Variants in BRSK2 observed in about 807,000 individuals in gnomAD.
The protein encoded by BRSK2 is BR serine/threonine kinase 2, also known as serine/threonine-protein kinase BRSK2.
In BRSK2, 19 loss-of-function variants were observed where a neutral mutation model predicts 83.3. The observed-to-expected ratio is 0.23, with a 90% CI of 0.16 to 0.33. BRSK2 has a LOEUF of 0.33. Ranked by LOEUF, BRSK2 falls within the 10% of genes least tolerant of loss-of-function variation. The pLI is 1.00. For synonymous variants in BRSK2, 519 were observed against 435.4 expected (o/e 1.19, Z -2.39); for missense variants, 798 against 1,042.3 (o/e 0.77, Z 3.23).
intron 1 of BRSK2, among the ~76,000 whole-genome samples, chr11:1,392,602 G>A (rs1845795198): frequency 6.6e-6 from 1 of 152,174 alleles, no homozygotes; most frequent in Non-Finnish European, 1.5e-5. Context: ...CCCAAGCTGG[G>A]GCCTGCTGGA....
chr11:1,414,386 C>T (rs1847878307), intron 1 of BRSK2, among the ~76,000 whole-genome samples: 1 of 152,214 alleles, frequency 6.6e-6, no homozygotes, highest in Admixed American at 6.5e-5. Flanking sequence ...AGGAACTTCC[C>T]TCTGTAGAGA....
At chr11:1,441,372 G>C (rs551173396) in intron 4 of BRSK2, among the ~76,000 whole-genome samples, 14 of 24,610 alleles carry the variant, frequency 5.7e-4, no homozygotes, top group Admixed American at 1.3e-3. Flanking sequence ...AGTGCACCGT[G>C]CCCCCCATTA....
chr11:1,391,149 C>T (rs1018970003), intron 1 of BRSK2, among the ~76,000 whole-genome samples: 1 of 152,236 alleles, frequency 6.6e-6, no homozygotes, highest in Admixed American at 6.5e-5. Context: ...GCTACCCTCG[C>T]ATGTGGCCAA....
chr11:1,455,327 G>A (rs1287500752), intron 16 of BRSK2, among the ~76,000 whole-genome samples: 1 of 36,016 alleles, frequency 2.8e-5, no homozygotes. Flanking sequence ...CTCCCCCACC[G>A]CCCCCAGCCT....
At chr11:1,435,508 C>T (rs1484689970) in intron 1 of BRSK2, among the ~76,000 whole-genome samples, 8 of 344 alleles carry the variant, frequency 0.023, no homozygotes, top group Admixed American at 0.071. Context: ...AGGAGGGGTG[C>T]CGGTGGGGGT....
chr11:1,416,552 T>C (rs7101802), intron 1 of BRSK2, among the ~76,000 whole-genome samples: 107,411 of 152,042 alleles, frequency 0.71, 38,503 homozygotes, highest in Non-Finnish European at 0.76. Context: ...CTACCGGCGG[T>C]TGTATTTAGC....
intron 1 of BRSK2, among the ~76,000 whole-genome samples, chr11:1,415,268 G>C (rs1408929650): frequency 6.6e-6 from 1 of 151,822 alleles, no homozygotes; most frequent in African/African-American, 2.4e-5. Context: ...CTAATTTTTT[G>C]TATTTTTAGT....
In BRSK2 at chr11:1,438,620, C is replaced by G. The variant is rs1274563082; in HGVS notation, c.272+229C>G. Among the ~76,000 whole-genome samples, 1 of 152,172 alleles carries G rather than the reference C, an allele frequency of 6.6e-6. No individual in the cohort carries two copies. On this transcript the variant is annotated intron_variant, in intron 3 of 19. Coordinates refer to ENST00000528841, the MANE Select transcript of BRSK2 (RefSeq NM_001256627.2). This position sits in a 1 kb window ranked among gnomAD's most constrained non-coding sequence, Gnocchi z 6.4. ...CGGAGACCTGGTCTGTGGAGGCTCGCAGAGCCACCAGCCTGAGGCTGGCAA... is the reference window on the plus strand; with the variant it reads ...CGGAGACCTGGTCTGTGGAGGCTCGGAGAGCCACCAGCCTGAGGCTGGCAA...
chr11:1,411,394 A>G (rs1391630798), intron 1 of BRSK2: 1 of 1,459,560 alleles, frequency 6.9e-7, no homozygotes, highest in South Asian at 1.4e-5. Context: ...GTAGGGCACC[A>G]GCCTCACCCC....
chr11:1,393,823 A>G (rs569747229), intron 1 of BRSK2, among the ~76,000 whole-genome samples: 4 of 152,164 alleles, frequency 2.6e-5, no homozygotes, highest in Non-Finnish European at 5.9e-5. Flanking sequence ...GTTGAGCAGG[A>G]CGGGCAGCGA....
intron 8 of BRSK2, 74 bp from the exon 9 acceptor site, chr11:1,444,897 T>G: frequency 6.9e-7 from 1 of 1,445,440 alleles, no homozygotes. Flanking sequence ...CGCCCCTGCC[T>G]TCCCCCTCAC....
chr11:1,412,704 TG>T (rs936137033), intron 1 of BRSK2, among the ~76,000 whole-genome samples: 7 of 151,838 alleles, frequency 4.6e-5, no homozygotes, highest in African/African-American at 1.7e-4. Context: ...GGACAGTGGC[TG>T]GGGGGTCAGA....
intron 1 of BRSK2, among the ~76,000 whole-genome samples, chr11:1,400,291 C>T (rs1671593201): frequency 6.6e-6 from 1 of 152,196 alleles, no homozygotes; most frequent in African/African-American, 2.4e-5. Flanking sequence ...CCTCAGCTTT[C>T]CCCGGAGGCC....
intron 1 of BRSK2, among the ~76,000 whole-genome samples, chr11:1,405,615 T>G (rs1369462386): frequency 6.6e-6 from 1 of 152,114 alleles, no homozygotes. Context: ...CGGCGCCAGC[T>G]ACCCCCAAGG....
intron 12 of BRSK2, among the ~76,000 whole-genome samples, chr11:1,448,178 C>T (rs1852430395): frequency 6.6e-6 from 1 of 152,220 alleles, no homozygotes; most frequent in Non-Finnish European, 1.5e-5. Context: ...TCCGGTGGGC[C>T]TCGGTGGCCC....
chr11:1,443,659 G>T, intron 8 of BRSK2, 24 bp downstream of exon 8: 2 of 1,534,222 alleles, frequency 1.3e-6, no homozygotes, highest in South Asian at 1.2e-5. Context: ...GAGCGGGGCG[G>T]CCCCAGAGCG....
intron 1 of BRSK2, among the ~76,000 whole-genome samples, chr11:1,401,565 G>A (rs1404738792): frequency 6.6e-6 from 1 of 152,186 alleles, no homozygotes; most frequent in Non-Finnish European, 1.5e-5. Context: ...AGGCTGCACT[G>A]AGCCCCTTCG....
intron 19 of BRSK2, among the ~76,000 whole-genome samples, chr11:1,460,218 G>C (rs892623782): frequency 2.6e-5 from 4 of 152,120 alleles, no homozygotes; most frequent in Non-Finnish European, 4.4e-5. Context: ...GAGGCGCTGG[G>C]GTCCTAAGTT....
At chr11:1,397,575 C>T (rs1046968933) in intron 1 of BRSK2, among the ~76,000 whole-genome samples, 6 of 152,264 alleles carry the variant, frequency 3.9e-5, no homozygotes, top group Non-Finnish European at 8.8e-5. Flanking sequence ...CCCCAGGGGC[C>T]TGGGCTGCAG....
Sources: gnomAD v4.1 joint callset for allele counts (sites outside exome capture counted in the v4.1 genomes callset) on GRCh38, gnomAD v4.1.1 for gene constraint, Gnocchi (gnomAD v3.1) non-coding constraint, MANE v1.5 for transcripts, NCBI Gene and HGNC (gene_info 2026-07-23, HGNC 2026-07-21) for gene names.